THSD4: variants seen among roughly 807,000 people sequenced by gnomAD.
THSD4 encodes thrombospondin type-1 domain-containing protein 4.
A neutral mutation model predicts 119.0 loss-of-function variants in THSD4; 69 were observed. The ratio of observed to expected loss-of-function variants is 0.58; its 90% CI spans 0.48 to 0.71. The LOEUF is 0.71. Among genes scored for constraint, THSD4 ranks in the 30% least tolerant of loss-of-function variants. The pLI, the probability that THSD4 is intolerant of heterozygous loss-of-function variation, is 0.00. For synonymous variants in THSD4, 524 were observed against 540.4 expected (o/e 0.97, Z 0.42); for missense variants, 1,393 against 1,391.1 (o/e 1.00, Z -0.02).
intron 7 of THSD4, among the ~76,000 whole-genome samples, chr15:71,640,980 GAC>G (rs10551548): frequency 0.32 from 46,759 of 146,412 alleles, 7,184 homozygotes; most frequent in Non-Finnish European, 0.34. Context: ...CCCACCTACA[GAC>G]ACACACACAC....
chr15:71,775,307 A>T (rs1487800758), intron 17 of THSD4, among the ~76,000 whole-genome samples: 3 of 152,250 alleles, frequency 2.0e-5, no homozygotes, highest in African/African-American at 2.4e-5. Context: ...GTAATATTTT[A>T]AAAAGCAAGC....
chr15:71,329,043 G>A (rs1358280467), intron 6 of THSD4, among the ~76,000 whole-genome samples: 1 of 152,168 alleles, frequency 6.6e-6, no homozygotes, highest in Non-Finnish European at 1.5e-5. Flanking sequence ...TTAGCTTCAA[G>A]CCAAGCCAGG....
intron 7 of THSD4, among the ~76,000 whole-genome samples, chr15:71,626,549 A>AT (rs1333779938): frequency 6.6e-6 from 1 of 152,200 alleles, no homozygotes; most frequent in African/African-American, 2.4e-5. Flanking sequence ...ACTTTAACAG[A>AT]TTTTTAAAGC....
intron 7 of THSD4, among the ~76,000 whole-genome samples, chr15:71,546,623 T>C (rs1344039410): frequency 1.3e-5 from 2 of 152,192 alleles, no homozygotes; most frequent in African/African-American, 4.8e-5. Context: ...TCTGCAATAA[T>C]TCCTCAAGCT....
chr15:71,643,779 GTTTAC>G (rs1186789006), intron 7 of THSD4, among the ~76,000 whole-genome samples: 1 of 152,130 alleles, frequency 6.6e-6, no homozygotes, highest in Non-Finnish European at 1.5e-5. Context: ...ATGCCTTAGC[GTTTAC>G]TTTATTTCTG....
At chr15:71,327,877 C>A (rs188076298) in intron 6 of THSD4, among the ~76,000 whole-genome samples, 2 of 152,292 alleles carry the variant, frequency 1.3e-5, no homozygotes, top group Admixed American at 1.3e-4. Context: ...GCCTAGGACA[C>A]CTGATACCAT....
At chr15:71,535,250 G>A (rs2048673759) in intron 7 of THSD4, among the ~76,000 whole-genome samples, 1 of 152,096 alleles carries the variant, frequency 6.6e-6, no homozygotes, top group Non-Finnish European at 1.5e-5. Context: ...TTTTGTGACC[G>A]ACTTCCTTCA....
intron 17 of THSD4, among the ~76,000 whole-genome samples, chr15:71,775,999 TA>T (rs2053906156): frequency 1.3e-5 from 2 of 152,148 alleles, no homozygotes. Context: ...TGTTTATCCA[TA>T]TACAAGGAAA....
chr15:71,693,811 C>T (rs2052104537), intron 8 of THSD4, among the ~76,000 whole-genome samples: 1 of 152,098 alleles, frequency 6.6e-6, no homozygotes, highest in Admixed American at 6.5e-5. Flanking sequence ...ACTCTCTCGC[C>T]TGCCACCATG....
intron 7 of THSD4, among the ~76,000 whole-genome samples, chr15:71,631,063 C>A (rs531678368): frequency 2.0e-5 from 3 of 152,274 alleles, no homozygotes; most frequent in Admixed American, 6.5e-5. Flanking sequence ...AGGGCAAGAT[C>A]TCCCCGCAGT....
rs369430349 is a variant in THSD4, at chr15:71,609,851, C to CAA, written c.1153-50664_1153-50663dup. On this transcript the variant is annotated intron_variant, in intron 7 of 17. Coordinates refer to ENST00000261862, the MANE Select transcript of THSD4 (RefSeq NM_024817.3). Reference sequence around the variant, plus strand: ...TGGGCGACAGAGCAAGACTCCGTCTCAAAAAAAAAAAAAAAAGAAAAAAAG... The same window carrying CAA: ...TGGGCGACAGAGCAAGACTCCGTCTCAAAAAAAAAAAAAAAAAAGAAAAAAAG... Among the ~76,000 whole-genome samples, 1,083 of 115,082 alleles carry CAA rather than the reference C, an allele frequency of 9.4e-3. 16 individuals carry two copies. The highest frequency in any genetic ancestry group is 0.025 in the African/African-American group (738 of 29,344). 75.5% of individuals were successfully genotyped at this position (115,082 alleles called of 152,430 possible).
At chr15:71,401,768 T>G (rs1366472155) in intron 6 of THSD4, among the ~76,000 whole-genome samples, 1 of 152,196 alleles carries the variant, frequency 6.6e-6, no homozygotes, top group Non-Finnish European at 1.5e-5. Flanking sequence ...ACCCAAAGGA[T>G]TATAATTCAT....
At chr15:71,602,452 C>G (rs2050028430) in intron 7 of THSD4, among the ~76,000 whole-genome samples, 1 of 141,300 alleles carries the variant, frequency 7.1e-6, no homozygotes, top group African/African-American at 2.6e-5. Context: ...ACTCAGGAGG[C>G]TGAGGCAGGA....
intron 3 of THSD4, among the ~76,000 whole-genome samples, chr15:71,171,988 A>T (rs1380443083): frequency 3.3e-5 from 5 of 152,244 alleles, no homozygotes; most frequent in African/African-American, 9.6e-5. Flanking sequence ...AGAAGCCATC[A>T]AAGTGACAAA....
At chr15:71,453,902 G>A (rs767247705) in intron 7 of THSD4, among the ~76,000 whole-genome samples, 6 of 152,198 alleles carry the variant, frequency 3.9e-5, no homozygotes, top group Non-Finnish European at 8.8e-5. Flanking sequence ...GGTTTCCATG[G>A]TGGGGGCATG....
At chr15:71,139,961 T>C (rs1406660123) in intron 1 of THSD4, among the ~76,000 whole-genome samples, 1 of 152,242 alleles carries the variant, frequency 6.6e-6, no homozygotes, top group Non-Finnish European at 1.5e-5. Flanking sequence ...AACCCGCCCA[T>C]CCTGGGCTTT....
chr15:71,256,346 G>A lies in THSD4; in HGVS notation c.913-267G>A, dbSNP rs902208207. Among the ~76,000 whole-genome samples, 6 of 151,928 alleles carry A rather than the reference G, an allele frequency of 3.9e-5. No individual in the cohort carries two copies. The East Asian group carries it at 1.2e-3, about 29-fold the overall frequency. ...AAAAATTAGCCAGGTGTGGTGGTGG[G>A]TGCCTGTAATCCCAGCTACTTGGGA... On this transcript the variant is annotated intron_variant, in intron 5 of 17. Transcript: ENST00000261862.
chr15:71,339,184 C>T (rs1305024907), intron 6 of THSD4, among the ~76,000 whole-genome samples: 1 of 152,140 alleles, frequency 6.6e-6, no homozygotes, highest in East Asian at 1.9e-4. Flanking sequence ...TTTTAGCATT[C>T]TTAGTATGTT....
intron 1 of THSD4, among the ~76,000 whole-genome samples, chr15:71,109,621 C>T (rs559247657): frequency 1.1e-4 from 16 of 151,872 alleles, no homozygotes; most frequent in African/African-American, 2.9e-4. Flanking sequence ...AGAGCAATGG[C>T]GGTGTAGTGT....
Sources: allele counts gnomAD v4.1 joint callset (sites outside exome capture counted in the v4.1 genomes callset), GRCh38; gene constraint gnomAD v4.1.1; transcripts MANE v1.5; gene names NCBI Gene and HGNC (gene_info 2026-07-23, HGNC 2026-07-21).